The following KCNN1 variants were observed in gnomAD, a reference collection of about 807,000 sequenced individuals.
The protein encoded by KCNN1 is small conductance calcium-activated potassium channel protein 1.
In KCNN1, 20 loss-of-function variants were observed where a neutral mutation model predicts 44.7. The ratio of observed to expected loss-of-function variants is 0.45; its 90% CI spans 0.32 to 0.65. KCNN1 has a LOEUF of 0.65. Ranked by LOEUF, KCNN1 falls within the 30% of genes least tolerant of loss-of-function variation. KCNN1 has a pLI of 0.05. For missense variants in KCNN1, 632 were observed against 785.3 expected, an observed-to-expected ratio of 0.80 and a Z score of 2.33; for synonymous variants, 324 against 341.7, an observed-to-expected ratio of 0.95 and a Z score of 0.57.
rs1455282283 is a variant in KCNN1 at position 17,993,185 on chromosome 19, C to T, written c.1307+123C>T. The stretch of plus-strand genomic sequence containing the variant: ...AGAGGCGGGCAGGGTTCACATCTGC[C>T]CCATGGATCCGTGCAGGCTTCACCT... On this transcript the variant is annotated intron_variant, in intron 8 of 9. Transcript: ENST00000684775. The surrounding 1 kb of genome is among the most constrained non-coding windows in gnomAD (Gnocchi z 4.5). The T allele has an allele frequency of 8.5e-7, 1 of 1,175,236 alleles. No homozygotes were observed. The highest frequency in any genetic ancestry group is 1.5e-5 in the African/African-American group (1 of 66,386). 72.8% of individuals were successfully genotyped at this position (1,175,236 alleles called of 1,614,324 possible).
At chr19:17,958,593 C>T (rs929689751) in intron 2 of KCNN1, among the ~76,000 whole-genome samples, 6 of 149,526 alleles carry the variant, frequency 4.0e-5, no homozygotes, top group African/African-American at 1.5e-4. Context: ...TCAAGTGATT[C>T]TCGTGCCTTA....
chr19:17,963,000 CTTT>C (rs71164332), upstream of KCNN1, among the ~76,000 whole-genome samples: 586 of 81,620 alleles, frequency 7.2e-3, 4 homozygotes, highest in African/African-American at 0.032. Context: ...CACGCCCAGG[CTTT>C]TTTTTTTTTT....
rs1203858049 is a variant in KCNN1 at position 17,983,028 on chromosome 19, C to T, written c.917+901C>T. Among the ~76,000 whole-genome samples the T allele has an allele frequency of 6.7e-6, 1 of 150,114 alleles. No homozygotes were observed. The highest frequency in any genetic ancestry group is 1.5e-5 in the Non-Finnish European group (1 of 67,576). On this transcript the variant is annotated intron_variant, in intron 4 of 9. Coordinates refer to ENST00000684775, the MANE Select transcript of KCNN1 (RefSeq NM_001386974.1). This position sits in a 1 kb window ranked among gnomAD's most constrained non-coding sequence, Gnocchi z 4.5. ...GCACTCCAGTCAAAAAAAAAAAAGA[C>T]AAATAAATGGGTCTGGGATGAAGGA...
intron 7 of KCNN1, chr19:17,990,194 A>T (rs1204556311): frequency 1.1e-5 from 5 of 437,690 alleles, no homozygotes; most frequent in Non-Finnish European, 2.3e-5. Flanking sequence ...ATGTAGGATA[A>T]CTAGAAATGA....
intron 2 of KCNN1, among the ~76,000 whole-genome samples, chr19:17,958,480 C>CTTTTTTTTTT (rs71164331): frequency 2.0e-5 from 2 of 99,542 alleles, no homozygotes; most frequent in Non-Finnish European, 3.9e-5. Context: ...GACCCTGTCT[C>CTTTTTTTTTT]TTTTTTTTTT....
chr19:17,971,572 C>T (rs1487900146), intron 1 of KCNN1, among the ~76,000 whole-genome samples: 3 of 152,052 alleles, frequency 2.0e-5, no homozygotes, highest in Non-Finnish European at 4.4e-5. Flanking sequence ...AAGCGATTCT[C>T]CTGTCTCAAC....
At chr19:17,960,400 C>T (rs529104568) in intron 2 of KCNN1, among the ~76,000 whole-genome samples, 1 of 151,898 alleles carries the variant, frequency 6.6e-6, no homozygotes, top group African/African-American at 2.4e-5. Flanking sequence ...GAGGCCGAGG[C>T]GGGTGGATCA....
chr19:17,962,851 G>A (rs1024818642), upstream of KCNN1, among the ~76,000 whole-genome samples: 15 of 151,492 alleles, frequency 9.9e-5, no homozygotes, highest in South Asian at 2.1e-4. Flanking sequence ...GGATTACAGC[G>A]CCACCACGCC....
At chr19:17,982,436 G>A in intron 4 of KCNN1, 1 of 521,618 alleles carries the variant, frequency 1.9e-6, no homozygotes, top group Non-Finnish European at 2.5e-6. Context: ...TCCCTGGGAG[G>A]CTGACTCCCG....
intron 1 of KCNN1, among the ~76,000 whole-genome samples, chr19:17,970,991 C>T (rs2032003423): frequency 6.6e-6 from 1 of 151,640 alleles, no homozygotes; most frequent in Non-Finnish European, 1.5e-5. Context: ...TCAAGCTATT[C>T]TCCTGCCTCA....
chr19:17,989,983 G>T (rs1245256150), intron 7 of KCNN1, 140 bp downstream of exon 7: 3 of 1,182,762 alleles, frequency 2.5e-6, no homozygotes, highest in Non-Finnish European at 3.7e-6. Flanking sequence ...TCTGAGCTGG[G>T]TGGATGGGAG....
upstream of KCNN1, among the ~76,000 whole-genome samples, chr19:17,962,462 T>C (rs970566863): frequency 1.3e-5 from 2 of 152,142 alleles, no homozygotes; most frequent in African/African-American, 4.8e-5. Context: ...TCTTCTGGCC[T>C]GAAACTGGGA....
At chr19:17,975,209 A>T in intron 3 of KCNN1, 22 bp downstream of exon 3, 2 of 1,576,146 alleles carry the variant, frequency 1.3e-6, no homozygotes, top group Non-Finnish European at 1.7e-6. Context: ...ATACTGCAGG[A>T]AGCAGCTCCT....
Position 17,998,465 on chromosome 19 carries a change from G to A in KCNN1, c.*59G>A. The stretch of plus-strand genomic sequence containing the variant: ...GCCATCGTGTGGCCGCCACCTCCGG[G>A]AAGCCTTGTACAGTGGCGCCTCTTG... On this transcript the variant is annotated 3_prime_UTR_variant, in exon 10 of 10. Transcript: ENST00000684775. This position sits in a 1 kb window ranked among gnomAD's most constrained non-coding sequence, Gnocchi z 5.4. 1 of 1,431,288 alleles carries A rather than the reference G, an allele frequency of 7.0e-7. No individual in the cohort carries two copies. The highest frequency in any genetic ancestry group is 1.5e-5 in the South Asian group (1 of 68,330). The allele number at this position is 1,431,288 out of a possible 1,614,324, so 88.7% of individuals were successfully genotyped here. A position where few individuals can be genotyped will look rare whatever the true frequency, so the allele number is the denominator to read the frequency against.
intron 4 of KCNN1, 81 bp from the exon 5 acceptor site, chr19:17,985,231 G>A: frequency 7.1e-7 from 1 of 1,400,142 alleles, no homozygotes; most frequent in Non-Finnish European, 9.5e-7. Context: ...CTCCAGCCCT[G>A]GCGCTGCCCC....
Position 17,998,015 on chromosome 19 carries a change from C to G in KCNN1, c.1378-137C>G. 1 of 947,302 alleles carries G rather than the reference C, an allele frequency of 1.1e-6. No homozygotes were observed. Among genetic ancestry groups the G allele is most frequent in the South Asian group, 1.9e-5 (1 of 52,598 alleles). The allele number at this position is 947,302 out of a possible 1,614,324, so 58.7% of individuals were successfully genotyped here. A position where few individuals can be genotyped will look rare whatever the true frequency, so the allele number is the denominator to read the frequency against. ...GGCTGGGGGTATCCTCCCAGCCACC[C>G]CTCACACGGGCCCCATTAGTGGCTG... On this transcript the variant is annotated intron_variant, in intron 9 of 9. Coordinates refer to ENST00000684775, the MANE Select transcript of KCNN1 (RefSeq NM_001386974.1). This position sits in a 1 kb window ranked among gnomAD's most constrained non-coding sequence, Gnocchi z 5.4.
At chr19:17,966,045 C>G (rs2031799914), upstream of KCNN1, among the ~76,000 whole-genome samples, 1 of 149,568 alleles carries the variant, frequency 6.7e-6, no homozygotes, top group Non-Finnish European at 1.5e-5. Flanking sequence ...TCCTTCCTTC[C>G]TTCCTTCCTT....
At chr19:17,976,002 C>T (rs1007479182) in intron 3 of KCNN1, among the ~76,000 whole-genome samples, 9 of 152,142 alleles carry the variant, frequency 5.9e-5, no homozygotes, top group Admixed American at 1.3e-4. Flanking sequence ...CCACCATGCC[C>T]GGCTGCACAC....
intron 3 of KCNN1, among the ~76,000 whole-genome samples, chr19:17,976,510 C>T (rs1342031504): frequency 6.6e-6 from 1 of 151,404 alleles, no homozygotes; most frequent in African/African-American, 2.4e-5. Flanking sequence ...CCTACGCCTC[C>T]TGGGTTCAAG....
Sources: allele counts gnomAD v4.1 joint callset (sites outside exome capture counted in the v4.1 genomes callset), GRCh38; gene constraint gnomAD v4.1.1; non-coding constraint Gnocchi (gnomAD v3.1); transcripts MANE v1.5; gene names NCBI Gene and HGNC (gene_info 2026-07-23, HGNC 2026-07-21).